CERS3: variants seen among roughly 807,000 people sequenced by gnomAD.
CERS3 encodes the protein LAG1 homolog, ceramide synthase 3.
CERS3 carries 33 observed loss-of-function variants against 50.3 expected under a neutral mutation model. That is an observed-to-expected ratio of 0.66 (90% CI 0.50 to 0.88). CERS3 has a LOEUF of 0.88. Among genes scored for constraint, CERS3 ranks in the 40% least tolerant of loss-of-function variants. CERS3 has a pLI of 0.00. For synonymous variants in CERS3, 176 were observed against 155.2 expected, an observed-to-expected ratio of 1.13 and a Z score of -0.99; for missense variants, 470 against 460.3, an observed-to-expected ratio of 1.02 and a Z score of -0.19.
intron 10 of CERS3, among the ~76,000 whole-genome samples, chr15:100,457,486 A>C (rs1360469214): frequency 3.3e-5 from 5 of 152,234 alleles, no homozygotes; most frequent in Non-Finnish European, 7.3e-5. Flanking sequence ...AGATTCATTC[A>C]GTTGTCATGG....
chr15:100,471,599 T>A (rs2034970691), intron 9 of CERS3, among the ~76,000 whole-genome samples: 1 of 152,160 alleles, frequency 6.6e-6, no homozygotes, highest in Non-Finnish European at 1.5e-5. Flanking sequence ...CTGTCAGGAT[T>A]ACTGAGATAC....
intron 11 of CERS3, among the ~76,000 whole-genome samples, chr15:100,436,979 T>C (rs1243951623): frequency 6.6e-6 from 1 of 150,408 alleles, no homozygotes; most frequent in South Asian, 2.1e-4. Flanking sequence ...AGTCTCACTC[T>C]GTCATCCAGG....
intron 11 of CERS3, among the ~76,000 whole-genome samples, chr15:100,436,879 C>T (rs1567613685): frequency 6.6e-6 from 1 of 151,694 alleles, no homozygotes; most frequent in African/African-American, 2.4e-5. Context: ...GAGAGAGACA[C>T]TGCAACATCT....
intron 2 of CERS3, among the ~76,000 whole-genome samples, chr15:100,504,156 C>T (rs1373153108): frequency 6.6e-6 from 1 of 151,968 alleles, no homozygotes. Flanking sequence ...TCTTACCCAC[C>T]ATTCGGAGAA....
In CERS3 at chr15:100,483,778, A is replaced by ATTTTTTTTTT. The variant is rs1300648690; in HGVS notation, c.407+771_407+772insAAAAAAAAAA. On this transcript the variant is annotated intron_variant, in intron 5 of 11. Coordinates refer to ENST00000679737, the MANE Select transcript of CERS3 (RefSeq NM_001378789.1). ...AGAAGGATCAATAATAATAATAATT[A>ATTTTTTTTTT]TTATTATTATTTTTTTTTTTGAGAC... 1.7e-4 allele frequency among the ~76,000 whole-genome samples: 10 copies of ATTTTTTTTTT among 59,126 alleles called. 1 individual carries two copies. The East Asian group carries it at 2.2e-3, about 13-fold the overall frequency. 38.8% of individuals were successfully genotyped at this position (59,126 alleles called of 152,430 possible).
intron 10 of CERS3, among the ~76,000 whole-genome samples, chr15:100,458,326 T>C (rs975239076): frequency 4.6e-5 from 7 of 152,218 alleles, no homozygotes; most frequent in African/African-American, 1.7e-4. Flanking sequence ...GGCTCATGCC[T>C]GTAATCCCAG....
At chr15:100,517,490 C>A (rs2036524757) in intron 2 of CERS3, among the ~76,000 whole-genome samples, 2 of 152,146 alleles carry the variant, frequency 1.3e-5, no homozygotes, top group African/African-American at 4.8e-5. Flanking sequence ...CCTCATGAAA[C>A]TTGCTTGGGC....
At chr15:100,450,012 G>A (rs575427914) in intron 11 of CERS3, among the ~76,000 whole-genome samples, 2 of 152,250 alleles carry the variant, frequency 1.3e-5, no homozygotes, top group African/African-American at 4.8e-5. Flanking sequence ...AATTCATAAT[G>A]TGAATGAGAG....
intron 2 of CERS3, chr15:100,503,581 G>T (rs2036075619): frequency 2.5e-6 from 1 of 399,768 alleles, no homozygotes; most frequent in African/African-American, 2.1e-5. Flanking sequence ...AGCCCATAGG[G>T]TGTCTTTGTG....
At position 100,493,096 on chromosome 15, in the gene CERS3, A is replaced by G. The variant is rs546427410; in HGVS notation, c.174-2165T>C. ...TTAAATCAGATAGGAGAAAGTGTTAAAAACAAAAAATATGCTTATACTATC... is the reference window on the plus strand; with the variant it reads ...TTAAATCAGATAGGAGAAAGTGTTAGAAACAAAAAATATGCTTATACTATC... On this transcript the variant is annotated intron_variant, in intron 3 of 11. Transcript: ENST00000679737. 2.6e-5 allele frequency among the ~76,000 whole-genome samples: 4 copies of G among 152,302 alleles called. No individual in the cohort carries two copies. In the South Asian group the frequency reaches 8.3e-4, roughly 32 times the overall value.
intron 11 of CERS3, among the ~76,000 whole-genome samples, chr15:100,446,149 C>G (rs1266641522): frequency 6.6e-6 from 1 of 152,212 alleles, no homozygotes; most frequent in African/African-American, 2.4e-5. Flanking sequence ...AATAAACAGC[C>G]TTGTTGCTCA....
chr15:100,543,821 C>T (rs995058233), intron 1 of CERS3, among the ~76,000 whole-genome samples: 1 of 152,204 alleles, frequency 6.6e-6, no homozygotes, highest in Non-Finnish European at 1.5e-5. Context: ...TGTGCCACCG[C>T]ACGTGGCTGT....
chr15:100,427,168 G>A (rs930097618), intron 11 of CERS3, among the ~76,000 whole-genome samples: 6 of 152,052 alleles, frequency 3.9e-5, no homozygotes, highest in Non-Finnish European at 7.4e-5. Flanking sequence ...GGTCCTGAGA[G>A]ACCTCTTCTG....
At chr15:100,415,906 C>G (rs2031864397) in intron 11 of CERS3, among the ~76,000 whole-genome samples, 1 of 151,972 alleles carries the variant, frequency 6.6e-6, no homozygotes, top group African/African-American at 2.4e-5. Context: ...ACACATATAC[C>G]TATGTAGCAA....
intron 1 of CERS3, among the ~76,000 whole-genome samples, chr15:100,538,547 C>A (rs79782752): frequency 0.036 from 5,464 of 152,352 alleles, 148 homozygotes; most frequent in South Asian, 0.11. Flanking sequence ...GGCTTGCACC[C>A]TCTGAAGCAA....
At chr15:100,418,493 T>C (rs1408788791) in intron 11 of CERS3, among the ~76,000 whole-genome samples, 1 of 149,152 alleles carries the variant, frequency 6.7e-6, no homozygotes, top group Non-Finnish European at 1.5e-5. Flanking sequence ...TGGAACCAAG[T>C]TGGAAAACAC....
intron 11 of CERS3, among the ~76,000 whole-genome samples, chr15:100,420,593 T>C (rs1159304019): frequency 6.6e-6 from 1 of 151,900 alleles, no homozygotes; most frequent in Non-Finnish European, 1.5e-5. Flanking sequence ...GAGGCCAGCA[T>C]CATTCTAATA....
chr15:100,533,265 GTATCTCTTA>G (rs2036984697), upstream of CERS3, among the ~76,000 whole-genome samples: 2 of 152,088 alleles, frequency 1.3e-5, no homozygotes, highest in Non-Finnish European at 2.9e-5. Context: ...CTAACTTACT[GTATCTCTTA>G]TCTGCCTCTC....
chr15:100,429,748 G>C (rs1045944444), intron 11 of CERS3, among the ~76,000 whole-genome samples: 4 of 152,214 alleles, frequency 2.6e-5, no homozygotes, highest in African/African-American at 9.6e-5. Context: ...TTCACCATCT[G>C]TGTTTCTTAA....
Sources: gnomAD v4.1 joint callset for allele counts (sites outside exome capture counted in the v4.1 genomes callset) on GRCh38, gnomAD v4.1.1 for gene constraint, MANE v1.5 for transcripts, NCBI Gene and HGNC (gene_info 2026-07-23, HGNC 2026-07-21) for gene names.